The following WWOX variants were observed in gnomAD, a reference collection of about 807,000 sequenced individuals.
The protein encoded by WWOX is WW domain-containing oxidoreductase.
In WWOX, 69 loss-of-function variants were observed where a neutral mutation model predicts 46.2. The observed-to-expected ratio is 1.49, with a 90% CI of 1.23 to 1.82. The LOEUF (loss-of-function observed/expected upper bound fraction) is 1.82. Among genes scored for constraint, WWOX ranks in the 40% most tolerant of loss-of-function variants. The pLI, the probability that WWOX is intolerant of heterozygous loss-of-function variation, is 0.00. For synonymous variants in WWOX, 359 were observed against 202.6 expected (o/e 1.77, Z -6.56); for missense variants, 919 against 542.6 (o/e 1.69, Z -6.89).
chr16:78,164,830 A>G (rs1233684771), intron 5 of WWOX, among the ~76,000 whole-genome samples: 2 of 152,220 alleles, frequency 1.3e-5, no homozygotes, highest in African/African-American at 4.8e-5. Flanking sequence ...CAAGTTTAAT[A>G]TTTGCCATAA....
At chr16:78,739,208 T>C (rs1323452490) in intron 8 of WWOX, among the ~76,000 whole-genome samples, 1 of 152,140 alleles carries the variant, frequency 6.6e-6, no homozygotes, top group Non-Finnish European at 1.5e-5. Context: ...CCGGCTAAAA[T>C]TGTGTTTGCC....
intron 8 of WWOX, among the ~76,000 whole-genome samples, chr16:79,194,685 C>G (rs138769256): frequency 1.5e-3 from 226 of 152,332 alleles, no homozygotes; most frequent in African/African-American, 4.8e-3. Context: ...CTACAGCCCC[C>G]GCTCTGCTGA....
intron 8 of WWOX, among the ~76,000 whole-genome samples, chr16:78,918,153 G>T (rs554417091): frequency 1.0e-3 from 154 of 152,284 alleles, no homozygotes; most frequent in Admixed American, 1.8e-3. Flanking sequence ...AGCCCAGGAG[G>T]TTGAGGCTGC....
chr16:78,904,234 CTTTTTTTTTTTT>C (rs5818190), intron 8 of WWOX, among the ~76,000 whole-genome samples: 37 of 85,796 alleles, frequency 4.3e-4, no homozygotes, highest in Middle Eastern at 6.9e-3. Context: ...TTATAAATGC[CTTTTTTTTTTTT>C]TTTTTTTTTT....
intron 8 of WWOX, among the ~76,000 whole-genome samples, chr16:79,125,315 A>C (rs901889271): frequency 4.6e-5 from 7 of 152,192 alleles, no homozygotes; most frequent in Admixed American, 1.3e-4. Flanking sequence ...GTTGATTTCA[A>C]ACACCCTGAG....
intron 8 of WWOX, among the ~76,000 whole-genome samples, chr16:79,149,947 G>A (rs1392152280): frequency 3.3e-5 from 5 of 152,228 alleles, no homozygotes; most frequent in Non-Finnish European, 7.3e-5. Context: ...GGGACTCTCA[G>A]ATGCCGATGA....
At chr16:78,512,669 T>C (rs16947866) in intron 8 of WWOX, among the ~76,000 whole-genome samples, 15,355 of 152,268 alleles carry the variant, frequency 0.1, 1,170 homozygotes, top group African/African-American at 0.22. Context: ...TCAATGAGAC[T>C]CATTTCGCAG....
intron 5 of WWOX, among the ~76,000 whole-genome samples, chr16:78,180,965 G>A (rs553652266): frequency 1.3e-5 from 2 of 152,176 alleles, no homozygotes; most frequent in African/African-American, 4.8e-5. Flanking sequence ...TTGGAGGTAA[G>A]TATAAAAACC....
intron 8 of WWOX, among the ~76,000 whole-genome samples, chr16:78,658,984 T>A (rs756435916): frequency 3.0e-5 from 4 of 131,850 alleles, no homozygotes; most frequent in Non-Finnish European, 6.7e-5. Context: ...CCTAGCTACT[T>A]GGGAGGCTGA....
chr16:78,940,941 GC>G (rs199891486), intron 8 of WWOX, among the ~76,000 whole-genome samples: 4 of 151,264 alleles, frequency 2.6e-5, no homozygotes, highest in Admixed American at 6.6e-5. Context: ...ATTTTCTTCT[GC>G]CCCCCCACCC....
intron 8 of WWOX, among the ~76,000 whole-genome samples, chr16:78,452,901 C>T (rs367654230): frequency 7.8e-6 from 1 of 128,262 alleles, no homozygotes; most frequent in South Asian, 2.3e-4. Flanking sequence ...GAGAGGGAAT[C>T]TTACTCTGTT....
intron 5 of WWOX, among the ~76,000 whole-genome samples, chr16:78,219,537 T>A (rs1263362736): frequency 6.6e-6 from 1 of 152,190 alleles, no homozygotes; most frequent in Non-Finnish European, 1.5e-5. Context: ...AACCCCACAG[T>A]GATTGAAAAA....
intron 5 of WWOX, among the ~76,000 whole-genome samples, chr16:78,300,667 A>G (rs80184478): frequency 0.099 from 15,074 of 152,186 alleles, 1,014 homozygotes; most frequent in East Asian, 0.25. Context: ...TATGATTTCA[A>G]TTCAGTAACC....
intron 8 of WWOX, among the ~76,000 whole-genome samples, chr16:78,969,050 C>T (rs1015772737): frequency 6.6e-6 from 1 of 152,086 alleles, no homozygotes; most frequent in Non-Finnish European, 1.5e-5. Flanking sequence ...GCTCCAGTGG[C>T]CCTTGTCTTG....
At chr16:78,399,188 G>A (rs1197625832) in intron 6 of WWOX, among the ~76,000 whole-genome samples, 2 of 152,134 alleles carry the variant, frequency 1.3e-5, no homozygotes, top group South Asian at 2.1e-4. Context: ...AGGATGGAAC[G>A]GAAGAAGAGG....
intron 5 of WWOX, chr16:78,267,202 A>G (rs1343095546): frequency 1.3e-5 from 2 of 152,264 alleles, no homozygotes; most frequent in African/African-American, 4.8e-5. Context: ...AAAATGAACT[A>G]ATACACATAG....
At chr16:78,996,215 C>T in intron 8 of WWOX, 1 of 984,818 alleles carries the variant, frequency 1.0e-6, no homozygotes, top group Non-Finnish European at 1.2e-6. Flanking sequence ...TTTTTGAAGA[C>T]TTGTGGATAG....
intron 8 of WWOX, among the ~76,000 whole-genome samples, chr16:78,756,629 A>G (rs1457766917): frequency 6.6e-6 from 1 of 152,184 alleles, no homozygotes; most frequent in Admixed American, 6.5e-5. Context: ...CTGATTGGGT[A>G]AATTCTAGCA....
At chr16:78,293,928 T>C (rs2079899444) in intron 5 of WWOX, among the ~76,000 whole-genome samples, 1 of 133,368 alleles carries the variant, frequency 7.5e-6, no homozygotes, top group Non-Finnish European at 1.5e-5. Context: ...AGTGAGCCGA[T>C]GTCATATCAC....
Sources: gnomAD v4.1 joint callset for allele counts (sites outside exome capture counted in the v4.1 genomes callset) on GRCh38, gnomAD v4.1.1 for gene constraint, MANE v1.5 for transcripts, NCBI Gene and HGNC (gene_info 2026-07-23, HGNC 2026-07-21) for gene names.